Variants in TRPC4 observed in about 807,000 individuals in gnomAD.
TRPC4 encodes the protein short transient receptor potential channel 4.
In TRPC4, 49 loss-of-function variants were observed where a neutral mutation model predicts 99.4. The ratio of observed to expected loss-of-function variants is 0.49; its 90% confidence interval spans 0.39 to 0.63. TRPC4 has a LOEUF of 0.63. Ranked by LOEUF, TRPC4 falls within the 20% of genes least tolerant of loss-of-function variation. TRPC4 has a pLI of 0.00. For synonymous variants in TRPC4, 454 were observed against 425.9 expected (o/e 1.07, Z -0.81); for missense variants, 898 against 1,152.9 (o/e 0.78, Z 3.20).
At chr13:37,675,419 T>C (rs147850354) in intron 4 of TRPC4, among the ~76,000 whole-genome samples, 2 of 152,146 alleles carry the variant, frequency 1.3e-5, no homozygotes, top group African/African-American at 2.4e-5. Flanking sequence ...CTCGGCTGAC[T>C]GTGAGGTAGC....
intron 3 of TRPC4, among the ~76,000 whole-genome samples, chr13:37,697,797 G>T (rs1358302310): frequency 6.6e-6 from 1 of 152,154 alleles, no homozygotes; most frequent in African/African-American, 2.4e-5. Context: ...CTTGATAAAC[G>T]CTGGTTTAAA....
chr13:37,758,810 AT>A (rs1956156909), intron 2 of TRPC4, among the ~76,000 whole-genome samples: 1 of 151,688 alleles, frequency 6.6e-6, no homozygotes, highest in Admixed American at 6.6e-5. Flanking sequence ...GTGTGAATAG[AT>A]TATAGAAAAA....
intron 1 of TRPC4, among the ~76,000 whole-genome samples, chr13:37,798,069 T>C (rs1188639765): frequency 6.6e-6 from 1 of 152,128 alleles, no homozygotes; most frequent in Non-Finnish European, 1.5e-5. Context: ...CTCTAGGCCT[T>C]GGGGTGTTTA....
chr13:37,865,525 G>A (rs1236177146), intron 1 of TRPC4, among the ~76,000 whole-genome samples: 1 of 151,556 alleles, frequency 6.6e-6, no homozygotes, highest in Non-Finnish European at 1.5e-5. Context: ...TCCTGCTCAA[G>A]ATAAGTAGCT....
At chr13:37,668,347 G>A (rs1593471857) in intron 5 of TRPC4, among the ~76,000 whole-genome samples, 1 of 152,150 alleles carries the variant, frequency 6.6e-6, no homozygotes. Context: ...TTCTTATGCA[G>A]GGAGCTTTGT....
chr13:37,754,636 TA>T (rs2139208372), intron 2 of TRPC4, among the ~76,000 whole-genome samples: 1 of 152,230 alleles, frequency 6.6e-6, no homozygotes, highest in African/African-American at 2.4e-5. Flanking sequence ...AAGAGGCAAT[TA>T]AAAGAAGACC....
chr13:37,772,011 G>A (rs2139295325), intron 2 of TRPC4, among the ~76,000 whole-genome samples: 1 of 151,676 alleles, frequency 6.6e-6, no homozygotes, highest in Non-Finnish European at 1.5e-5. Context: ...TGTTCCCAAG[G>A]AGGAGAGAGA....
At chr13:37,664,689 C>T (rs924214388) in intron 5 of TRPC4, among the ~76,000 whole-genome samples, 4 of 152,180 alleles carry the variant, frequency 2.6e-5, no homozygotes, top group African/African-American at 9.7e-5. Flanking sequence ...ATACACATCA[C>T]TGAAAAATAT....
At chr13:37,811,129 TTAAC>T (rs966447134) in intron 1 of TRPC4, among the ~76,000 whole-genome samples, 4 of 152,134 alleles carry the variant, frequency 2.6e-5, no homozygotes, top group African/African-American at 9.7e-5. Context: ...TAATAGATAT[TTAAC>T]TATTTGGTTT....
chr13:37,716,953 T>C (rs939009206), intron 3 of TRPC4, among the ~76,000 whole-genome samples: 1 of 151,948 alleles, frequency 6.6e-6, no homozygotes, highest in African/African-American at 2.4e-5. Context: ...GGTGGTAAAA[T>C]ATCATAGACT....
chr13:37,655,581 G>A (rs963385624), intron 6 of TRPC4, among the ~76,000 whole-genome samples: 1 of 151,866 alleles, frequency 6.6e-6, no homozygotes, highest in Non-Finnish European at 1.5e-5. Context: ...ACTGAGTTAA[G>A]AATGGTTTTC....
At chr13:37,779,209 G>C (rs2139330755) in intron 2 of TRPC4, among the ~76,000 whole-genome samples, 1 of 152,152 alleles carries the variant, frequency 6.6e-6, no homozygotes, top group Admixed American at 6.6e-5. Context: ...TAAAAATAAT[G>C]AAAAGTCAAG....
At chr13:37,790,646 A>C (rs1957095327) in intron 1 of TRPC4, among the ~76,000 whole-genome samples, 1 of 152,148 alleles carries the variant, frequency 6.6e-6, no homozygotes, top group African/African-American at 2.4e-5. Flanking sequence ...CACCAATCAT[A>C]AACTATTAGG....
At chr13:37,686,564 G>A (rs1953488819) in intron 4 of TRPC4, among the ~76,000 whole-genome samples, 1 of 152,012 alleles carries the variant, frequency 6.6e-6, no homozygotes, top group African/African-American at 2.4e-5. Context: ...GGTAGGCCTT[G>A]TTGAAATGTT....
chr13:37,687,762 TTCTAA>T (rs1953537486), intron 4 of TRPC4, among the ~76,000 whole-genome samples: 1 of 152,208 alleles, frequency 6.6e-6, no homozygotes, highest in Admixed American at 6.5e-5. Flanking sequence ...CTCGAGCTCT[TTCTAA>T]TCCATCATTC....
At chr13:37,772,488 T>C (rs1024536041) in intron 2 of TRPC4, among the ~76,000 whole-genome samples, 1 of 151,756 alleles carries the variant, frequency 6.6e-6, no homozygotes, top group Admixed American at 6.6e-5. Flanking sequence ...CATGTGTGTC[T>C]GCATGTGTAT....
chr13:37,753,125 G>A (rs1955983056), intron 2 of TRPC4, among the ~76,000 whole-genome samples: 1 of 152,026 alleles, frequency 6.6e-6, no homozygotes, highest in South Asian at 2.1e-4. Flanking sequence ...AAAAGGATTT[G>A]AGGAGGTGTT....
At chr13:37,678,522 T>C (rs2138792649) in intron 4 of TRPC4, among the ~76,000 whole-genome samples, 1 of 152,146 alleles carries the variant, frequency 6.6e-6, no homozygotes, top group South Asian at 2.1e-4. Flanking sequence ...TGAGCTTTTT[T>C]CCCTGAGACA....
At chr13:37,811,671 A>G (rs917456898) in intron 1 of TRPC4, among the ~76,000 whole-genome samples, 5 of 152,148 alleles carry the variant, frequency 3.3e-5, no homozygotes, top group African/African-American at 1.2e-4. Context: ...GGCCAGGGGA[A>G]AATCATCTGT....
Sources: allele counts gnomAD v4.1 joint callset (sites outside exome capture counted in the v4.1 genomes callset), GRCh38; gene constraint gnomAD v4.1.1; transcripts MANE v1.5; gene names NCBI Gene and HGNC (gene_info 2026-07-23, HGNC 2026-07-21).